The following VEGFA variants were observed in gnomAD, a reference collection of about 807,000 sequenced individuals.
VEGFA encodes the protein vascular endothelial growth factor A.
VEGFA carries 20 observed loss-of-function variants against 49.7 expected under a neutral mutation model. The observed-to-expected ratio is 0.40, with a 90% CI of 0.28 to 0.58. The LOEUF is 0.58. Among genes scored for constraint, VEGFA ranks in the 20% least tolerant of loss-of-function variants. The probability of loss-of-function intolerance (pLI) is 0.40; values close to 1 mark genes in which losing one functional copy is unlikely to be tolerated. For synonymous variants in VEGFA, 219 were observed against 223.4 expected, an observed-to-expected ratio of 0.98 and a Z score of 0.18; for missense variants, 505 against 553.5, an observed-to-expected ratio of 0.91 and a Z score of 0.88.
chr6:43,771,194 C>A lies in VEGFA; in HGVS notation c.488C>A (p.Pro163Gln). The change falls in exon 1 of 8, where the codon CCG (proline) becomes CAG (glutamine). Residue 163 changes from proline to glutamine, a missense_variant. By Grantham distance (76) the Pro-to-Gln change is moderately conservative. Coordinates refer to ENST00000672860, the MANE Select transcript of VEGFA (RefSeq NM_003376.6). ...GAGGAGAGCGGGCCGCCCCACAGCC[C>A]GAGCCGGAGAGGGAGCGCGAGCCGC... 6.3e-7 allele frequency: 1 copy of A among 1,597,678 alleles called. No individual in the cohort carries two copies. The highest frequency in any genetic ancestry group is 8.5e-7 in the Non-Finnish European group (1 of 1,174,856).
At chr6:43,779,146 C>A in intron 5 of VEGFA, 1 of 619,458 alleles carries the variant, frequency 1.6e-6, no homozygotes, top group Non-Finnish European at 2.9e-6. Flanking sequence ...TTGGAAGGGA[C>A]AATGCCTTCT....
chr6:43,771,057 CTCATGGACGGGT>C lies in VEGFA; in HGVS notation c.352_363del (p.Ser118_Gly121del). The C allele has an allele frequency of 1.3e-6, 2 of 1,516,636 alleles. No homozygotes were observed. Among genetic ancestry groups the C allele is most frequent in the Non-Finnish European group, 1.8e-6 (2 of 1,132,164 alleles). 93.9% of individuals were successfully genotyped at this position (1,516,636 alleles called of 1,614,324 possible). On this transcript the variant is annotated inframe_deletion, in exon 1 of 8. Coordinates refer to ENST00000672860, the MANE Select transcript of VEGFA (RefSeq NM_003376.6). The stretch of plus-strand genomic sequence containing the variant: ...GGCGACTCGGCGCTCGGAAGCCGGG[CTCATGGACGGGT>C]GAGGCGGCGGTGTGCGCAGACAGTG...
Position 43,777,327 on chromosome 6 carries a change from T to G in VEGFA, c.659-142T>G. On this transcript the variant is annotated intron_variant, in intron 2 of 7. Coordinates refer to ENST00000672860, the MANE Select transcript of VEGFA (RefSeq NM_003376.6). This position sits in a 1 kb window ranked among gnomAD's most constrained non-coding sequence, Gnocchi z 4.3. Reference sequence around the variant, plus strand: ...GCTTAGGGAAGTGCTTCAAACACAGTAGGAGGGACTTACGTTAGATTTTGG... The same window carrying G: ...GCTTAGGGAAGTGCTTCAAACACAGGAGGAGGGACTTACGTTAGATTTTGG... 1 of 855,128 alleles carries G rather than the reference T, an allele frequency of 1.2e-6. No homozygotes were observed. Among genetic ancestry groups the G allele is most frequent in the Non-Finnish European group, 1.9e-6 (1 of 525,950 alleles). The allele number at this position is 855,128 out of a possible 1,614,324, so 53.0% of individuals were successfully genotyped here. A position where few individuals can be genotyped will look rare whatever the true frequency, so the allele number is the denominator to read the frequency against.
chr6:43,778,940 A>G, intron 5 of VEGFA, 22 bp downstream of exon 5: 2 of 1,614,158 alleles, frequency 1.2e-6, no homozygotes, highest in South Asian at 2.2e-5. Context: ...TGACTTTAGC[A>G]CTTCTCCCTC....
chr6:43,780,220 A>C, intron 5 of VEGFA: 2 of 189,922 alleles, frequency 1.1e-5, no homozygotes, highest in Non-Finnish European at 2.1e-5. Flanking sequence ...CGCAGTTGCA[A>C]ATGAAGGCAC....
In VEGFA at chr6:43,777,602, G is replaced by A. The variant is rs371217291; in HGVS notation, c.792G>A (p.Gly264=). The change falls in exon 3 of 8, where the codon GGG becomes GGA. Residue 264 remains glycine (G), a synonymous_variant. Coordinates refer to ENST00000672860, the MANE Select transcript of VEGFA (RefSeq NM_003376.6). The surrounding 1 kb of genome is among the most constrained non-coding windows in gnomAD (Gnocchi z 4.3). ...CCTGTGTGCCCCTGATGCGATGCGGGGGCTGCTGCAATGACGAGGGCCTGG... is the reference window on the plus strand; with the variant it reads ...CCTGTGTGCCCCTGATGCGATGCGGAGGCTGCTGCAATGACGAGGGCCTGG... The A allele has an allele frequency of 2.2e-5, 35 of 1,613,968 alleles. No homozygotes were observed. In the African/African-American group the frequency reaches 4.1e-4, roughly 19 times the overall value.
Position 43,770,499 on chromosome 6 carries a change from T to G in VEGFA, c.-208T>G, listed in dbSNP as rs1292095721. 4.3e-6 allele frequency: 5 copies of G among 1,163,070 alleles called. No individual in the cohort carries two copies. The East Asian group carries it at 1.6e-4, about 37-fold the overall frequency. 72.0% of individuals were successfully genotyped at this position (1,163,070 alleles called of 1,614,324 possible). On this transcript the variant is annotated 5_prime_UTR_variant, in exon 1 of 8. Transcript: ENST00000672860. ...AGATTGCTCTACTTCCCCAAATCAC[T>G]GTGGATTTTGGAAACCAGCAGAAAG...
rs770394875 is a variant in VEGFA, at chr6:43,770,922, G to A, written c.216G>A (p.Gly72=). ...TCGGAGGAGCCGTGGTCCGCGCGGG[G>A]GAAGCCGAGCCGAGCGGAGCCGCGA... Residue 72 remains glycine (G), a synonymous_variant, in exon 1 of 8, where the codon GGG becomes GGA. Transcript: ENST00000672860. 2.1e-5 allele frequency: 33 copies of A among 1,544,644 alleles called. No homozygotes were observed. The highest frequency in any genetic ancestry group is 2.9e-5 in the Non-Finnish European group (33 of 1,145,514).
Position 43,777,924 on chromosome 6 carries a change from T to TGTCAG in VEGFA, c.855+261_855+265dup, listed in dbSNP as rs1765991129. 2 of 550,734 alleles carry TGTCAG rather than the reference T, an allele frequency of 3.6e-6. No homozygotes were observed. The highest frequency in any genetic ancestry group is 6.5e-6 in the Non-Finnish European group (2 of 306,876). 34.1% of individuals were successfully genotyped at this position (550,734 alleles called of 1,614,324 possible). ...TCAGGAGGGGACAGATGGATGCCTG[T>TGTCAG]GTCAGGAGCCCCTCTCTCCCTCTCT... On this transcript the variant is annotated intron_variant, in intron 3 of 7. Transcript: ENST00000672860. The surrounding 1 kb of genome is among the most constrained non-coding windows in gnomAD (Gnocchi z 4.3).
In VEGFA at chr6:43,785,743, C is replaced by T. The variant is rs994796268; in HGVS notation, c.*1181C>T. ...GCACAGAGAGACAGGGCAGGATCCA[C>T]GTGCCCATTGTGGAGGCAGAGAAAA... On this transcript the variant is annotated 3_prime_UTR_variant, in exon 8 of 8. Transcript: ENST00000672860. 7 of 191,928 alleles carry T rather than the reference C, an allele frequency of 3.6e-5. No homozygotes were observed. The highest frequency in any genetic ancestry group is 1.7e-4 in the East Asian group (2 of 11,774). The allele number at this position is 191,928 out of a possible 1,614,324, so 11.9% of individuals were successfully genotyped here.
rs1764219284 is a variant in VEGFA, at chr6:43,773,347, A to T, written c.607-994A>T. The T allele has an allele frequency of 6.6e-6, 1 of 151,974 alleles. No individual in the cohort carries two copies. Among genetic ancestry groups the T allele is most frequent in the Admixed American group, 6.6e-5 (1 of 15,260 alleles). The allele number at this position is 151,974 out of a possible 1,614,324, so 9.4% of individuals were successfully genotyped here. ...GCTGGGCGGGAGGGGAGTTGGTGAGAGCTGGAGACCCCCAGGAAGGGCTGG... is the reference window on the plus strand; with the variant it reads ...GCTGGGCGGGAGGGGAGTTGGTGAGTGCTGGAGACCCCCAGGAAGGGCTGG... On this transcript the variant is annotated intron_variant, in intron 1 of 7. Coordinates refer to ENST00000672860, the MANE Select transcript of VEGFA (RefSeq NM_003376.6). This position sits in a 1 kb window ranked among gnomAD's most constrained non-coding sequence, Gnocchi z 5.6.
intron 6 of VEGFA, chr6:43,781,388 C>T (rs371614780): frequency 1.7e-5 from 4 of 241,840 alleles, no homozygotes; most frequent in South Asian, 1.1e-4. Context: ...CAACCCATGG[C>T]ACCCACAGAG....
At chr6:43,784,147 G>C in intron 7 of VEGFA, 1 of 318,286 alleles carries the variant, frequency 3.1e-6, no homozygotes, top group South Asian at 3.2e-5. Flanking sequence ...CTCCTCAGCA[G>C]GGAGCCTCTT....
chr6:43,771,190 A>T lies in VEGFA; in HGVS notation c.484A>T (p.Ser162Cys). The T allele has an allele frequency of 6.3e-7, 1 of 1,595,050 alleles. No homozygotes were observed. Among genetic ancestry groups the T allele is most frequent in the Non-Finnish European group, 8.5e-7 (1 of 1,173,800 alleles). ...CGCCGAGGAGAGCGGGCCGCCCCAC[A>T]GCCCGAGCCGGAGAGGGAGCGCGAG... The change falls in exon 1 of 8, where the codon AGC becomes TGC. Residue 162 changes from serine (S) to cysteine (C), a missense_variant. Ser to Cys is a moderately radical substitution (Grantham distance 112, BLOSUM62 -1). This residue lies in a region of VEGFA where 340 missense variants were observed against 321.8 expected (regional missense o/e 1.06). Transcript: ENST00000672860.
At chr6:43,774,049 G>A (rs988926499) in intron 1 of VEGFA, 23 of 528,052 alleles carry the variant, frequency 4.4e-5, no homozygotes, top group Non-Finnish European at 7.6e-5. Context: ...AGGTACAGGG[G>A]ACCTCGACAG....
chr6:43,786,173 A>G lies in VEGFA; in HGVS notation c.*1611A>G, dbSNP rs995961655. ...TATATATATATATGTTTATGTATATATGTGATTCTGATAAAATAGACATTG... is the reference window on the plus strand; with the variant it reads ...TATATATATATATGTTTATGTATATGTGTGATTCTGATAAAATAGACATTG... On this transcript the variant is annotated 3_prime_UTR_variant, in exon 8 of 8. Transcript: ENST00000672860. 4 of 177,812 alleles carry G rather than the reference A, an allele frequency of 2.2e-5. No individual in the cohort carries two copies. Among genetic ancestry groups the G allele is most frequent in the African/African-American group, 9.5e-5 (4 of 42,314 alleles). The allele number at this position is 177,812 out of a possible 1,614,324, so 11.0% of individuals were successfully genotyped here.
rs765392517 is a variant in VEGFA at position 43,771,191 on chromosome 6, G to C, written c.485G>C (p.Ser162Thr). The change falls in exon 1 of 8, where the codon AGC (serine) becomes ACC (threonine). Residue 162 changes from serine to threonine, a missense_variant. Physicochemically the swap from Ser to Thr is moderately conservative, Grantham distance 58. Around this residue, in one of 2 missense-constraint regions of VEGFA, gnomAD observed 340 missense variants for 321.8 expected, o/e 1.06. Coordinates refer to ENST00000672860, the MANE Select transcript of VEGFA (RefSeq NM_003376.6). The stretch of plus-strand genomic sequence containing the variant: ...GCCGAGGAGAGCGGGCCGCCCCACA[G>C]CCCGAGCCGGAGAGGGAGCGCGAGC... 6.3e-7 allele frequency: 1 copy of C among 1,596,604 alleles called. No individual in the cohort carries two copies. Among genetic ancestry groups the C allele is most frequent in the African/African-American group, 1.4e-5 (1 of 73,026 alleles).
At position 43,784,358 on chromosome 6, in the gene VEGFA, G is replaced by C. The variant is rs748353330; in HGVS notation, c.1167-183G>C. On this transcript the variant is annotated intron_variant, in intron 7 of 7. Transcript: ENST00000672860. ...TCAGGCCGGGGCTCCCTGAGGGCAGGGCTGGGGCTGTTCTCATACTGGGGC... is the reference window on the plus strand; with the variant it reads ...TCAGGCCGGGGCTCCCTGAGGGCAGCGCTGGGGCTGTTCTCATACTGGGGC... 4.8e-4 allele frequency: 330 copies of C among 693,096 alleles called. 1 individual carries two copies. Among genetic ancestry groups the C allele is most frequent in the Non-Finnish European group, 4.0e-4 (154 of 380,936 alleles). 42.9% of individuals were successfully genotyped at this position (693,096 alleles called of 1,614,324 possible). A position where few individuals can be genotyped will look rare whatever the true frequency, so the allele number is the denominator to read the frequency against.
At chr6:43,784,236 T>G in intron 7 of VEGFA, 8 of 518,814 alleles carry the variant, frequency 1.5e-5, no homozygotes, top group African/African-American at 1.9e-5. Context: ...TATCCGTTCA[T>G]TTGTTGCTTT....
Sources: gnomAD v4.1 joint callset for allele counts on GRCh38, gnomAD v4.1.1 for gene constraint, gnomAD v4.1.1 regional missense constraint, Gnocchi (gnomAD v3.1) non-coding constraint, MANE v1.5 for transcripts, NCBI Gene and HGNC (gene_info 2026-07-23, HGNC 2026-07-21) for gene names.